FOXP2: variants seen among roughly 807,000 people sequenced by gnomAD.
FOXP2 encodes the protein forkhead box P2.
FOXP2 carries 12 observed loss-of-function variants against 115.8 expected under a neutral mutation model. The observed-to-expected ratio is 0.10, with a 90% CI of 0.07 to 0.17. FOXP2 has a LOEUF of 0.17. Among genes scored for constraint, FOXP2 ranks in the 10% least tolerant of loss-of-function variants. The pLI is 1.00. For synonymous variants in FOXP2, 328 were observed against 297.7 expected, an observed-to-expected ratio of 1.10 and a Z score of -1.05; for missense variants, 629 against 843.5, an observed-to-expected ratio of 0.75 and a Z score of 3.15.
intron 1 of FOXP2, among the ~76,000 whole-genome samples, chr7:114,122,369 A>T (rs1219326090): frequency 6.7e-6 from 1 of 148,278 alleles, no homozygotes; most frequent in Non-Finnish European, 1.5e-5. Context: ...TCATTACTGG[A>T]TTTACAATCT....
rs200909163 is a variant in FOXP2 at position 114,664,452 on chromosome 7, A to G, written c.2003+16A>G. 3.1e-6 allele frequency: 5 copies of G among 1,613,088 alleles called. No homozygotes were observed. In the African/African-American group the frequency reaches 5.3e-5, roughly 17 times the overall value. ...AGCCGCACATGTAAGTGTGGTTAAC[A>G]GACTCTCTAAAGGGAAGAATCTATA... is the stretch of plus-strand genomic sequence containing the variant. On this transcript the variant is annotated intron_variant, in intron 16 of 16. Coordinates refer to ENST00000350908, the MANE Select transcript of FOXP2 (RefSeq NM_014491.4).
chr7:114,408,919 A>G (rs1793101132), intron 2 of FOXP2, among the ~76,000 whole-genome samples: 1 of 151,970 alleles, frequency 6.6e-6, no homozygotes, highest in African/African-American at 2.4e-5. Context: ...TTTTTTCTTC[A>G]TTGTCTTATC....
chr7:114,164,796 G>C (rs1255798340), intron 1 of FOXP2, among the ~76,000 whole-genome samples: 1 of 152,078 alleles, frequency 6.6e-6, no homozygotes, highest in East Asian at 1.9e-4. Context: ...TCAGTACCGT[G>C]CTCCCATTTA....
At chr7:114,249,130 A>C (rs1243976899) in intron 1 of FOXP2, among the ~76,000 whole-genome samples, 25 of 152,194 alleles carry the variant, frequency 1.6e-4, no homozygotes, top group Admixed American at 1.6e-3. Flanking sequence ...AATCAGAGTA[A>C]GGGGGAAAAG....
intron 3 of FOXP2, among the ~76,000 whole-genome samples, chr7:114,583,087 CTT>C (rs1468892179): frequency 2.0e-5 from 3 of 152,122 alleles, no homozygotes; most frequent in African/African-American, 7.2e-5. Flanking sequence ...AGTTGAAAAA[CTT>C]TGCTTTGCCC....
intron 2 of FOXP2, among the ~76,000 whole-genome samples, chr7:114,517,838 GA>G (rs1212402946): frequency 1.3e-5 from 2 of 151,916 alleles, no homozygotes; most frequent in East Asian, 3.9e-4. Flanking sequence ...CAAATTTTAA[GA>G]TTTTTTTTTC....
chr7:114,450,311 G>A (rs1795016468), intron 2 of FOXP2, among the ~76,000 whole-genome samples: 1 of 152,092 alleles, frequency 6.6e-6, no homozygotes, highest in African/African-American at 2.4e-5. Flanking sequence ...TTAGGCATAT[G>A]AAAATTGCAT....
At position 114,134,657 on chromosome 7, in the gene FOXP2, G is replaced by A. The variant is rs992600975; in HGVS notation, c.-246-28287G>A. 2.0e-5 allele frequency among the ~76,000 whole-genome samples: 3 copies of A among 148,898 alleles called. No homozygotes were observed. The Admixed American group carries it at 2.0e-4, about 10-fold the overall frequency. On this transcript the variant is annotated intron_variant, in intron 1 of 19. Transcript: ENST00000635638. The stretch of plus-strand genomic sequence containing the variant: ...GAACCCGGGAGGCGGAGCTTGCAGT[G>A]AGCCGAGATCCCGCCACTGCACTCC...
chr7:114,201,914 A>G (rs963725060), intron 1 of FOXP2, among the ~76,000 whole-genome samples: 3 of 152,200 alleles, frequency 2.0e-5, no homozygotes, highest in Non-Finnish European at 2.9e-5. Context: ...ATGCCTTGTC[A>G]GTTTTATGTC....
chr7:114,498,577 G>A (rs1194857281), intron 2 of FOXP2, among the ~76,000 whole-genome samples: 1 of 152,082 alleles, frequency 6.6e-6, no homozygotes, highest in Non-Finnish European at 1.5e-5. Context: ...TAGTAACTGG[G>A]AACAGAATAT....
chr7:114,276,554 C>G (rs1796193584), intron 1 of FOXP2, among the ~76,000 whole-genome samples: 1 of 152,108 alleles, frequency 6.6e-6, no homozygotes, highest in South Asian at 2.1e-4. Flanking sequence ...AAAATCCATT[C>G]ATAATGGACA....
intron 2 of FOXP2, among the ~76,000 whole-genome samples, chr7:114,289,544 T>C (rs1340775186): frequency 6.6e-6 from 1 of 151,886 alleles, no homozygotes; most frequent in East Asian, 1.9e-4. Context: ...TAACAGGATG[T>C]TTATTTGTAT....
chr7:114,108,372 G>A (rs1791177430), intron 1 of FOXP2, among the ~76,000 whole-genome samples: 1 of 151,804 alleles, frequency 6.6e-6, no homozygotes, highest in African/African-American at 2.4e-5. Flanking sequence ...TTCAGAGGCT[G>A]GTTTCCTAAA....
intron 1 of FOXP2, among the ~76,000 whole-genome samples, chr7:114,206,825 A>G (rs1044658977): frequency 1.3e-5 from 2 of 152,224 alleles, no homozygotes; most frequent in African/African-American, 4.8e-5. Flanking sequence ...TTCACTTAGC[A>G]TAAAATTCAC....
intron 1 of FOXP2, among the ~76,000 whole-genome samples, chr7:114,250,517 G>A (rs1336646787): frequency 6.6e-6 from 1 of 152,160 alleles, no homozygotes; most frequent in Non-Finnish European, 1.5e-5. Context: ...ATCTCATTGT[G>A]GTTTTGATCT....
chr7:114,243,788 G>T (rs759304323), intron 1 of FOXP2, among the ~76,000 whole-genome samples: 6 of 152,110 alleles, frequency 3.9e-5, no homozygotes, highest in Non-Finnish European at 8.8e-5. Flanking sequence ...GAAAGATTAA[G>T]CTCTTCTGGT....
At chr7:114,617,074 G>C (rs1302883431) in intron 3 of FOXP2, among the ~76,000 whole-genome samples, 1 of 152,150 alleles carries the variant, frequency 6.6e-6, no homozygotes, top group East Asian at 1.9e-4. Context: ...AACAGAGCGT[G>C]CGACTCTCTT....
intron 2 of FOXP2, among the ~76,000 whole-genome samples, chr7:114,325,090 T>A (rs1797524050): frequency 6.6e-6 from 1 of 151,936 alleles, no homozygotes; most frequent in African/African-American, 2.4e-5. Context: ...AGGTATTCAA[T>A]ACTATTGTAC....
At chr7:114,114,583 T>C (rs529178395) in intron 1 of FOXP2, among the ~76,000 whole-genome samples, 4 of 152,270 alleles carry the variant, frequency 2.6e-5, no homozygotes, top group African/African-American at 9.6e-5. Context: ...TTTTCTCCAT[T>C]GTGCCATAGA....
Sources: allele counts gnomAD v4.1 joint callset (sites outside exome capture counted in the v4.1 genomes callset), GRCh38; gene constraint gnomAD v4.1.1; transcripts MANE v1.5; gene names NCBI Gene and HGNC (gene_info 2026-07-23, HGNC 2026-07-21).